The following ABL2 variants were observed in gnomAD, a reference collection of about 807,000 sequenced individuals.
ABL2 encodes the protein ABL proto-oncogene 2, non-receptor tyrosine kinase, also known as tyrosine-protein kinase ABL2.
A neutral mutation model predicts 107.7 loss-of-function variants in ABL2; 49 were observed. The ratio of observed to expected loss-of-function variants is 0.45; its 90% confidence interval spans 0.36 to 0.58. The LOEUF (loss-of-function observed/expected upper bound fraction) is 0.58, where lower values mean the gene tolerates loss of function less well. ABL2 is among the 20% of genes least tolerant of loss of function. The pLI is 0.00. For synonymous variants in ABL2, 549 were observed against 548.6 expected (o/e 1.00, Z -0.01); for missense variants, 1,245 against 1,457.0 (o/e 0.85, Z 2.37).
At chr1:179,219,271 G>A (rs1172869100) in intron 1 of ABL2, among the ~76,000 whole-genome samples, 1 of 152,082 alleles carries the variant, frequency 6.6e-6, no homozygotes, top group Non-Finnish European at 1.5e-5. Context: ...TTGAACTCCT[G>A]AGCTTAAAGC....
chr1:179,142,636 C>A (rs1489240708), intron 1 of ABL2, among the ~76,000 whole-genome samples: 5 of 152,106 alleles, frequency 3.3e-5, no homozygotes, highest in African/African-American at 1.2e-4. Flanking sequence ...TTAATAACTT[C>A]TTTTAAAAAT....
At chr1:179,183,481 G>C (rs535500677) in intron 1 of ABL2, among the ~76,000 whole-genome samples, 8 of 152,180 alleles carry the variant, frequency 5.3e-5, no homozygotes, top group African/African-American at 1.9e-4. Flanking sequence ...AACAAAAAGA[G>C]TGCATCTTTC....
chr1:179,187,221 C>G lies in ABL2; in HGVS notation c.157+42020G>C, dbSNP rs534656109. Among the ~76,000 whole-genome samples the G allele has an allele frequency of 2.0e-5, 3 of 152,314 alleles. No homozygotes were observed. In the East Asian group the frequency reaches 5.8e-4, roughly 29 times the overall value. ...CAGATTTCCCACATTCCACTCCTTT[C>G]TGCAATACCAGATGCAGCAGGTTTG... On this transcript the variant is annotated intron_variant, in intron 1 of 11. Coordinates refer to ENST00000502732, the MANE Select transcript of ABL2 (RefSeq NM_007314.4).
intron 1 of ABL2, among the ~76,000 whole-genome samples, chr1:179,203,447 A>G (rs961189582): frequency 6.6e-6 from 1 of 152,116 alleles, no homozygotes; most frequent in Non-Finnish European, 1.5e-5. Context: ...CACTGAGGTC[A>G]TCCTCTCCAG....
intron 1 of ABL2, among the ~76,000 whole-genome samples, chr1:179,211,662 C>T (rs1435545673): frequency 2.6e-5 from 4 of 151,682 alleles, no homozygotes; most frequent in East Asian, 1.9e-4. Context: ...TTTGGAAGGC[C>T]GAGGCAAGTG....
At position 179,210,503 on chromosome 1, in the gene ABL2, C is replaced by CAA. The variant is rs113814284; in HGVS notation, c.157+18736_157+18737dup. 3.5e-3 allele frequency among the ~76,000 whole-genome samples: 329 copies of CAA among 94,058 alleles called. 9 individuals carry two copies. Among genetic ancestry groups the CAA allele is most frequent in the African/African-American group, 9.8e-3 (230 of 23,536 alleles). 61.7% of individuals were successfully genotyped at this position (94,058 alleles called of 152,430 possible). A position where few individuals can be genotyped will look rare whatever the true frequency, so the allele number is the denominator to read the frequency against. ...AGTGATAGAGCAAGACTCTAACTCA[C>CAA]AAAAAAAAAAAAAAAGAAAAAAAAA... On this transcript the variant is annotated intron_variant, in intron 1 of 11. Coordinates refer to ENST00000502732, the MANE Select transcript of ABL2 (RefSeq NM_007314.4).
chr1:179,211,312 A>G (rs918268655), intron 1 of ABL2, among the ~76,000 whole-genome samples: 3 of 152,054 alleles, frequency 2.0e-5, no homozygotes, highest in Non-Finnish European at 4.4e-5. Flanking sequence ...TGAGCCCAGG[A>G]GTCTGAAATC....
chr1:179,181,763 T>G (rs947763993), intron 1 of ABL2, among the ~76,000 whole-genome samples: 3 of 151,962 alleles, frequency 2.0e-5, no homozygotes, highest in Non-Finnish European at 4.4e-5. Context: ...TTGAACTATC[T>G]TTTTTTAATT....
chr1:179,175,087 T>C (rs1659972229), intron 1 of ABL2, among the ~76,000 whole-genome samples: 1 of 152,078 alleles, frequency 6.6e-6, no homozygotes, highest in South Asian at 2.1e-4. Context: ...TCTTGCTATG[T>C]TGCCCAGGCT....
intron 1 of ABL2, among the ~76,000 whole-genome samples, chr1:179,199,089 C>T (rs564423456): frequency 6.6e-6 from 1 of 152,146 alleles, no homozygotes; most frequent in South Asian, 2.1e-4. Context: ...GTGATCCACC[C>T]GCCTCGGCCT....
chr1:179,174,407 G>A (rs1217338590), intron 1 of ABL2, among the ~76,000 whole-genome samples: 6 of 151,414 alleles, frequency 4.0e-5, no homozygotes, highest in South Asian at 2.1e-4. Context: ...TCGGGAGTTC[G>A]AGACCAGCCT....
At chr1:179,206,793 A>AT (rs913166321) in intron 1 of ABL2, among the ~76,000 whole-genome samples, 3 of 152,158 alleles carry the variant, frequency 2.0e-5, no homozygotes, top group African/African-American at 4.8e-5. Context: ...AATGATTTAA[A>AT]TTTTTTTAAA....
chr1:179,115,055 C>T, intron 8 of ABL2, 25 bp from the exon 9 acceptor site: 1 of 1,555,330 alleles, frequency 6.4e-7, no homozygotes, highest in East Asian at 2.3e-5. Context: ...AAAAAAAGCA[C>T]TTAGTGTTTC....
At chr1:179,168,224 T>C (rs963854972) in intron 1 of ABL2, among the ~76,000 whole-genome samples, 51 of 152,342 alleles carry the variant, frequency 3.3e-4, no homozygotes, top group African/African-American at 1.1e-3. Flanking sequence ...CCCTAGCAGA[T>C]ACCAAAATCC....
At chr1:179,201,778 A>C in intron 1 of ABL2, 1 of 891,940 alleles carries the variant, frequency 1.1e-6, no homozygotes, top group Non-Finnish European at 1.7e-6. Context: ...AATTATATCC[A>C]CAGAATCGGT....
rs542937756 is a variant in ABL2, at chr1:179,192,171, A to G, written c.157+37070T>C. 2.0e-5 allele frequency among the ~76,000 whole-genome samples: 3 copies of G among 152,282 alleles called. No individual in the cohort carries two copies. In the South Asian group the frequency reaches 6.2e-4, roughly 32 times the overall value. On this transcript the variant is annotated intron_variant, in intron 1 of 11. Coordinates refer to ENST00000502732, the MANE Select transcript of ABL2 (RefSeq NM_007314.4). ...GTAGTTACAGATTTAGTTACGAAAA[A>G]CAATCCACAGGAATACCTTGGCTCT...
rs1378898743 is a variant in ABL2, at chr1:179,109,375, G to A, written c.1892C>T (p.Ser631Leu). 7.4e-6 allele frequency: 12 copies of A among 1,614,022 alleles called. No homozygotes were observed. The highest frequency in any genetic ancestry group is 9.3e-6 in the Non-Finnish European group (11 of 1,180,038). ...PALPRKQRDK[S>L]PSSLLEDAKE... is the part of the protein sequence containing the mutation. The stretch of plus-strand genomic sequence containing the variant: ...GGCATCTTCCAAGAGGCTGCTGGGT[G>A]ACTTGTCTCTTTGCTTTCGAGGCAG... Residue 631 changes from serine to leucine, a missense_variant, in exon 12 of 12, where the codon TCA becomes TTA. By Grantham distance (145) the Ser-to-Leu change is moderately radical (BLOSUM62 -2). Coordinates refer to ENST00000502732, the MANE Select transcript of ABL2 (RefSeq NM_007314.4).
intron 1 of ABL2, among the ~76,000 whole-genome samples, chr1:179,165,850 T>C (rs1417726763): frequency 6.6e-6 from 1 of 151,712 alleles, no homozygotes; most frequent in Non-Finnish European, 1.5e-5. Context: ...GGCTGGAGTG[T>C]AGTGGCGCGA....
At chr1:179,172,662 C>T (rs1025255254) in intron 1 of ABL2, among the ~76,000 whole-genome samples, 3 of 152,036 alleles carry the variant, frequency 2.0e-5, no homozygotes, top group Admixed American at 6.6e-5. Flanking sequence ...CAATTTCCCT[C>T]GAAAAGAGAA....
Sources: allele counts gnomAD v4.1 joint callset (sites outside exome capture counted in the v4.1 genomes callset), GRCh38; gene constraint gnomAD v4.1.1; transcripts MANE v1.5; gene names NCBI Gene and HGNC (gene_info 2026-07-23, HGNC 2026-07-21).